ABLIM1: variants seen among roughly 807,000 people sequenced by gnomAD.
The protein encoded by ABLIM1 is actin-binding LIM protein 1.
A neutral mutation model predicts 107.0 loss-of-function variants in ABLIM1; 40 were observed. The observed-to-expected ratio is 0.37, with a 90% confidence interval of 0.29 to 0.49. The LOEUF (loss-of-function observed/expected upper bound fraction) is 0.49. Ranked by LOEUF, ABLIM1 falls within the 20% of genes least tolerant of loss-of-function variation. The pLI, the probability that ABLIM1 is intolerant of heterozygous loss-of-function variation, is 0.97. For missense variants in ABLIM1, 857 were observed against 1,008.5 expected, an observed-to-expected ratio of 0.85 and a Z score of 2.04; for synonymous variants, 357 against 357.3, an observed-to-expected ratio of 1.00 and a Z score of 0.01.
At chr10:114,702,595 C>T (rs908492315) in intron 1 of ABLIM1, among the ~76,000 whole-genome samples, 5 of 147,626 alleles carry the variant, frequency 3.4e-5, no homozygotes, top group Admixed American at 2.0e-4. Context: ...GGCGCGATCT[C>T]GGCTCACTGC....
At chr10:114,521,659 TC>T (rs895696167) in intron 6 of ABLIM1, among the ~76,000 whole-genome samples, 5 of 151,948 alleles carry the variant, frequency 3.3e-5, no homozygotes, top group African/African-American at 1.2e-4. Flanking sequence ...CCCCCTCCTT[TC>T]CCCGCTCCTT....
chr10:114,487,615 C>G (rs1212998838), intron 8 of ABLIM1, among the ~76,000 whole-genome samples: 8 of 152,168 alleles, frequency 5.3e-5, no homozygotes, highest in Admixed American at 5.2e-4. Context: ...AGACTAAGCA[C>G]CAAAACAGTC....
chr10:114,780,770 A>G, the ABLIM1 span, among the ~76,000 whole-genome samples: 1 of 152,116 alleles, frequency 6.6e-6, no homozygotes, highest in Non-Finnish European at 1.5e-5. Flanking sequence ...GTTCTTTTCT[A>G]TGTTTTTTGA....
intron 6 of ABLIM1, among the ~76,000 whole-genome samples, chr10:114,525,253 A>T (rs1336100023): frequency 6.6e-6 from 1 of 152,256 alleles, no homozygotes; most frequent in Admixed American, 6.5e-5. Context: ...AGCCAAAATC[A>T]TGACCATCCC....
intron 1 of ABLIM1, among the ~76,000 whole-genome samples, chr10:114,634,155 C>T (rs371265311): frequency 7.3e-5 from 1 of 13,608 alleles, no homozygotes; most frequent in African/African-American, 2.3e-4. Flanking sequence ...TTTTTTGAGA[C>T]GGAGTCTTGC....
intron 4 of ABLIM1, among the ~76,000 whole-genome samples, chr10:114,548,006 G>C (rs1160222891): frequency 6.6e-6 from 1 of 152,172 alleles, no homozygotes; most frequent in Non-Finnish European, 1.5e-5. Flanking sequence ...GTGGATCTAC[G>C]GGGACGGATG....
chr10:114,784,209 G>A, the ABLIM1 span, among the ~76,000 whole-genome samples: 6 of 151,718 alleles, frequency 4.0e-5, no homozygotes, highest in Admixed American at 6.6e-5. Context: ...AGCCAGGCTC[G>A]GTGGTGCGCA....
intron 6 of ABLIM1, among the ~76,000 whole-genome samples, chr10:114,508,414 A>T (rs1431720261): frequency 6.6e-6 from 1 of 152,220 alleles, no homozygotes; most frequent in Non-Finnish European, 1.5e-5. Context: ...GATAAAAAAT[A>T]TTGGCCAGAT....
In ABLIM1 at chr10:114,471,080, A is replaced by C. The variant is rs574143143; in HGVS notation, c.1275+1897T>G. ...TTGTATTTTTTTTCTGTAGAGATGG[A>C]ATTTTGGTATGTTGTCCAGGCTGGT... On this transcript the variant is annotated intron_variant, in intron 10 of 22. Coordinates refer to ENST00000533213, the MANE Select transcript of ABLIM1 (RefSeq NM_002313.7). Among the ~76,000 whole-genome samples the C allele has an allele frequency of 2.2e-4, 33 of 152,014 alleles. No individual in the cohort carries two copies. The South Asian group carries it at 6.5e-3, about 30-fold the overall frequency.
chr10:114,645,986 T>C (rs2078996710), intron 1 of ABLIM1, among the ~76,000 whole-genome samples: 1 of 152,192 alleles, frequency 6.6e-6, no homozygotes, highest in African/African-American at 2.4e-5. Flanking sequence ...CAACCAAAGA[T>C]TGTGCTAGTA....
intron 6 of ABLIM1, among the ~76,000 whole-genome samples, chr10:114,511,104 T>G (rs1298978301): frequency 6.6e-6 from 1 of 152,070 alleles, no homozygotes; most frequent in Non-Finnish European, 1.5e-5. Flanking sequence ...GGTTGTCTTT[T>G]TATAATCGCA....
chr10:114,440,790 T>C (rs2060079255), intron 19 of ABLIM1: 4 of 640,574 alleles, frequency 6.2e-6, no homozygotes, highest in South Asian at 6.1e-5. Flanking sequence ...GCTCAGCACA[T>C]AGTATGAGCA....
upstream of ABLIM1, among the ~76,000 whole-genome samples, chr10:114,687,332 G>A (rs1241606945): frequency 6.6e-6 from 1 of 152,150 alleles, no homozygotes; most frequent in African/African-American, 2.4e-5. Flanking sequence ...AGGAAGGAGA[G>A]GGCTAGAAAG....
chr10:114,797,321 T>G, the ABLIM1 span, among the ~76,000 whole-genome samples: 99,074 of 152,022 alleles, frequency 0.65, 32,321 homozygotes, highest in African/African-American at 0.7. Flanking sequence ...AAAAACCTTA[T>G]TTCTGATTGA....
intron 8 of ABLIM1, among the ~76,000 whole-genome samples, chr10:114,477,091 G>A (rs1199420055): frequency 6.6e-6 from 1 of 152,118 alleles, no homozygotes; most frequent in African/African-American, 2.4e-5. Context: ...GGGATGAAGA[G>A]TCAGGATTTG....
chr10:114,558,106 C>T (rs2069044454), intron 4 of ABLIM1, among the ~76,000 whole-genome samples: 1 of 152,190 alleles, frequency 6.6e-6, no homozygotes, highest in Non-Finnish European at 1.5e-5. Flanking sequence ...CAGTCATTGA[C>T]TTTCTGTGCA....
rs1389978899 is a variant in ABLIM1, at chr10:114,611,529, A to G, written c.245-9568T>C. On this transcript the variant is annotated intron_variant, in intron 1 of 22. Transcript: ENST00000533213. Reference sequence around the variant, plus strand: ...TACTTGATTTGCCTTTTCCGTGGCTACGTGATAGGTCCTTGCTATTCCTCC... The same window carrying G: ...TACTTGATTTGCCTTTTCCGTGGCTGCGTGATAGGTCCTTGCTATTCCTCC... Among the ~76,000 whole-genome samples the G allele has an allele frequency of 2.0e-5, 3 of 152,036 alleles. No individual in the cohort carries two copies. In the South Asian group the frequency reaches 6.2e-4, roughly 32 times the overall value.
In ABLIM1 at chr10:114,445,246, A is replaced by C. The variant is rs540935154; in HGVS notation, c.1827+66T>G. 4.2e-6 allele frequency: 6 copies of C among 1,427,958 alleles called. No homozygotes were observed. In the African/African-American group the frequency reaches 7.0e-5, roughly 17 times the overall value. 88.5% of individuals were successfully genotyped at this position (1,427,958 alleles called of 1,614,324 possible). On this transcript the variant is annotated intron_variant, in intron 16 of 22. Coordinates refer to ENST00000533213, the MANE Select transcript of ABLIM1 (RefSeq NM_002313.7). Reference sequence around the variant, plus strand: ...TCTAGATGGTTTATACATAGTAGTCATTCAAAAAATATAGATCTTATGTAA... The same window carrying C: ...TCTAGATGGTTTATACATAGTAGTCCTTCAAAAAATATAGATCTTATGTAA...
At chr10:114,579,294 C>T (rs2073062648) in intron 2 of ABLIM1, among the ~76,000 whole-genome samples, 1 of 152,142 alleles carries the variant, frequency 6.6e-6, no homozygotes, top group African/African-American at 2.4e-5. Flanking sequence ...GTCTATGGAG[C>T]TGGTATTAAA....
Sources: allele counts gnomAD v4.1 joint callset (sites outside exome capture counted in the v4.1 genomes callset), GRCh38; gene constraint gnomAD v4.1.1; transcripts MANE v1.5; gene names NCBI Gene and HGNC (gene_info 2026-07-23, HGNC 2026-07-21).